The following CDS2 variants were observed in gnomAD, a reference collection of about 807,000 sequenced individuals.
The protein encoded by CDS2 is CDP-diacylglycerol synthase 2, also known as phosphatidate cytidylyltransferase 2.
CDS2 carries 47 observed loss-of-function variants against 59.0 expected under a neutral mutation model. That is an observed-to-expected ratio of 0.80 (90% CI 0.63 to 1.02). The LOEUF is 1.02. CDS2 is among the 50% of genes least tolerant of loss of function. CDS2 has a pLI of 0.00. For synonymous variants in CDS2, 207 were observed against 206.4 expected, an observed-to-expected ratio of 1.00 and a Z score of -0.02; for missense variants, 356 against 558.9, an observed-to-expected ratio of 0.64 and a Z score of 3.66.
At chr20:5,177,047 C>T (rs918160926) in intron 4 of CDS2, among the ~76,000 whole-genome samples, 1 of 152,168 alleles carries the variant, frequency 6.6e-6, no homozygotes, top group African/African-American at 2.4e-5. Flanking sequence ...ATAGGCCAGA[C>T]TGTGTGGTTG....
intron 1 of CDS2, among the ~76,000 whole-genome samples, chr20:5,169,691 A>T (rs1295721982): frequency 6.6e-6 from 1 of 152,222 alleles, no homozygotes; most frequent in Non-Finnish European, 1.5e-5. Flanking sequence ...GAAAAGAAGA[A>T]TGAGGTAAGT....
rs141007361 is a variant in CDS2, at chr20:5,195,244, G to A, written c.*5010G>A. ...GAGCTCAGCTGGTAGTTTGACCTCC[G>A]TTGGTGCAATGCCAGAGATGGGATT... is the stretch of plus-strand genomic sequence containing the variant. On this transcript the variant is annotated 3_prime_UTR_variant, in exon 13 of 13. Coordinates refer to ENST00000460006, the MANE Select transcript of CDS2 (RefSeq NM_003818.4). 431 of 152,346 alleles carry A rather than the reference G, an allele frequency of 2.8e-3. 4 individuals carry two copies. The highest frequency in any genetic ancestry group is 8.5e-3 in the South Asian group (41 of 4,806). The allele number at this position is 152,346 out of a possible 1,614,324, so 9.4% of individuals were successfully genotyped here.
At chr20:5,162,525 T>C (rs994150645) in intron 1 of CDS2, among the ~76,000 whole-genome samples, 1 of 152,194 alleles carries the variant, frequency 6.6e-6, no homozygotes, top group Non-Finnish European at 1.5e-5. Context: ...GTGTTCTGTT[T>C]AGATGTGTTA....
rs181476298 is a variant in CDS2 at position 5,196,127 on chromosome 20, T to G, written c.*5893T>G. 1 of 152,254 alleles carries G rather than the reference T, an allele frequency of 6.6e-6. No individual in the cohort carries two copies. The highest frequency in any genetic ancestry group is 2.4e-5 in the African/African-American group (1 of 41,536). The allele number at this position is 152,254 out of a possible 1,614,324, so 9.4% of individuals were successfully genotyped here. On this transcript the variant is annotated 3_prime_UTR_variant, in exon 13 of 13. Transcript: ENST00000460006. ...CAACAGCACATTGCTATTAATAGTA[T>G]GGAAATAATGGTCCCTCTGTTTCAT...
chr20:5,141,104 A>G (rs948492527), intron 1 of CDS2, among the ~76,000 whole-genome samples: 3 of 152,126 alleles, frequency 2.0e-5, no homozygotes, highest in Non-Finnish European at 4.4e-5. Context: ...TCTCTCCCCA[A>G]GGCAGGAATC....
chr20:5,189,448 C>T (rs2091095953), intron 11 of CDS2, among the ~76,000 whole-genome samples: 1 of 152,148 alleles, frequency 6.6e-6, no homozygotes. Flanking sequence ...TCTGTAACCC[C>T]AGCACTTTAA....
chr20:5,189,263 T>A, intron 11 of CDS2, 77 bp downstream of exon 11: 1 of 1,541,048 alleles, frequency 6.5e-7, no homozygotes, highest in Non-Finnish European at 9.0e-7. Flanking sequence ...CCCTGCCCCC[T>A]CCAAAATACT....
intron 1 of CDS2, among the ~76,000 whole-genome samples, chr20:5,166,403 G>T (rs2090914122): frequency 6.6e-6 from 1 of 152,090 alleles, no homozygotes; most frequent in South Asian, 2.1e-4. Flanking sequence ...CTTGGTTTTG[G>T]ACACATGGTG....
intron 1 of CDS2, among the ~76,000 whole-genome samples, chr20:5,135,625 C>T (rs1383437691): frequency 1.3e-5 from 2 of 152,180 alleles, no homozygotes; most frequent in Non-Finnish European, 2.9e-5. Context: ...GAGGCACCCC[C>T]TCCCCACCCC....
chr20:5,130,943 T>TAG (rs1248905691), intron 1 of CDS2, among the ~76,000 whole-genome samples: 83 of 151,518 alleles, frequency 5.5e-4, no homozygotes, highest in African/African-American at 1.8e-3. Context: ...TACAAAAAAT[T>TAG]AGCCGGGCGT....
intron 1 of CDS2, among the ~76,000 whole-genome samples, chr20:5,144,166 T>C (rs1039878113): frequency 6.6e-6 from 1 of 152,206 alleles, no homozygotes; most frequent in Non-Finnish European, 1.5e-5. Flanking sequence ...TGGGTATTCT[T>C]GTATTTTAGA....
In CDS2 at chr20:5,175,055, C is replaced by T. The variant is rs897939224; in HGVS notation, c.195-128C>T. ...CAGCATGTGGCTGGTGCCTCCGTCA[C>T]GGTGAATCTGGAAAGGACTGAGCTC... On this transcript the variant is annotated intron_variant, in intron 2 of 12. Transcript: ENST00000460006. 18 of 700,780 alleles carry T rather than the reference C, an allele frequency of 2.6e-5. 1 individual carries two copies. The highest frequency in any genetic ancestry group is 1.4e-4 in the African/African-American group (8 of 56,096). The allele number at this position is 700,780 out of a possible 1,614,324, so 43.4% of individuals were successfully genotyped here.
At chr20:5,166,848 T>C (rs189942780) in intron 1 of CDS2, among the ~76,000 whole-genome samples, 1 of 152,014 alleles carries the variant, frequency 6.6e-6, no homozygotes, top group Non-Finnish European at 1.5e-5. Flanking sequence ...TGAGGAATGA[T>C]GCACAGCCAG....
chr20:5,127,427 C>A lies in CDS2; in HGVS notation c.57+278C>A, dbSNP rs374615380. Among the ~76,000 whole-genome samples, 498 of 152,296 alleles carry A rather than the reference C, an allele frequency of 3.3e-3. 3 individuals carry two copies. The highest frequency in any genetic ancestry group is 0.011 in the African/African-American group (440 of 41,572). ...GAGTGGCGCACGGCCTCCTGCCTCG[C>A]TGGGCTGGCTGCGGGGACTCCCCTC... On this transcript the variant is annotated intron_variant, in intron 1 of 12. Coordinates refer to ENST00000460006, the MANE Select transcript of CDS2 (RefSeq NM_003818.4).
At position 5,163,784 on chromosome 20, in the gene CDS2, TTTC is replaced by T. The variant is rs1387917514; in HGVS notation, c.58-9736_58-9734del. Among the ~76,000 whole-genome samples the T allele has an allele frequency of 1.3e-4, 17 of 128,766 alleles. 1 individual carries two copies. Among genetic ancestry groups the T allele is most frequent in the African/African-American group, 4.9e-4 (16 of 32,700 alleles). The allele number at this position is 128,766 out of a possible 152,430, so 84.5% of individuals were successfully genotyped here. On this transcript the variant is annotated intron_variant, in intron 1 of 12. Coordinates refer to ENST00000460006, the MANE Select transcript of CDS2 (RefSeq NM_003818.4). ...TTAGCATTGTGGCTTTCATAATTTC[TTTC>T]TTTCTTTTTTTTTTTTTTTTTGAAG...
chr20:5,171,500 C>G (rs549259638), intron 1 of CDS2, among the ~76,000 whole-genome samples: 55 of 152,310 alleles, frequency 3.6e-4, no homozygotes, highest in African/African-American at 1.3e-3. Context: ...CAGGCAGCAT[C>G]ATTACCTTGT....
At chr20:5,185,066 T>A (rs914456370) in intron 8 of CDS2, 121 bp downstream of exon 8, 15 of 736,996 alleles carry the variant, frequency 2.0e-5, no homozygotes, top group Non-Finnish European at 3.6e-5. Flanking sequence ...CATGTCTTCA[T>A]GTCTTCCTGG....
chr20:5,144,408 C>G (rs958771900), intron 1 of CDS2, among the ~76,000 whole-genome samples: 2 of 152,122 alleles, frequency 1.3e-5, no homozygotes, highest in Non-Finnish European at 1.5e-5. Context: ...TAATGGAGTT[C>G]ATATTAGGCA....
rs1390770360 is a variant in CDS2 at position 5,185,061 on chromosome 20, C to T, written c.759+116C>T. ...TAGCTGTGTTGTATTGTGGCCATGT[C>T]TTCATGTCTTCCTGGAGAAAGGCCA... On this transcript the variant is annotated intron_variant, in intron 8 of 12. Coordinates refer to ENST00000460006, the MANE Select transcript of CDS2 (RefSeq NM_003818.4). 7 of 736,650 alleles carry T rather than the reference C, an allele frequency of 9.5e-6. No individual in the cohort carries two copies. The South Asian group carries it at 9.6e-5, about 10-fold the overall frequency. 45.6% of individuals were successfully genotyped at this position (736,650 alleles called of 1,614,324 possible). A position where few individuals can be genotyped will look rare whatever the true frequency, so the allele number is the denominator to read the frequency against.
Sources: gnomAD v4.1 joint callset for allele counts (sites outside exome capture counted in the v4.1 genomes callset) on GRCh38, gnomAD v4.1.1 for gene constraint, MANE v1.5 for transcripts, NCBI Gene and HGNC (gene_info 2026-07-23, HGNC 2026-07-21) for gene names.